The following LTBP1 variants were observed in gnomAD, a reference collection of about 807,000 sequenced individuals.
LTBP1 encodes the protein latent transforming growth factor beta binding protein 1.
Under a neutral mutation model 207.6 loss-of-function variants are expected in LTBP1, and 129 were observed. The ratio of observed to expected loss-of-function variants is 0.62; its 90% CI spans 0.54 to 0.72. The LOEUF (loss-of-function observed/expected upper bound fraction) is 0.72. Among genes scored for constraint, LTBP1 ranks in the 30% least tolerant of loss-of-function variants. LTBP1 has a pLI of 0.00. For missense variants in LTBP1, 2,281 were observed against 2,217.2 expected, an observed-to-expected ratio of 1.03 and a Z score of -0.58; for synonymous variants, 963 against 833.7, an observed-to-expected ratio of 1.16 and a Z score of -2.67.
At chr2:33,026,714 A>G (rs1558531354) in intron 3 of LTBP1, among the ~76,000 whole-genome samples, 1 of 152,230 alleles carries the variant, frequency 6.6e-6, no homozygotes, top group Non-Finnish European at 1.5e-5. Context: ...CACCTGGGGA[A>G]TGGGATGAGA....
At chr2:33,110,893 C>A (rs2080362886) in intron 4 of LTBP1, 142 bp downstream of exon 4, 2 of 749,768 alleles carry the variant, frequency 2.7e-6, no homozygotes, top group East Asian at 2.8e-5. Context: ...CCTGAAGCAA[C>A]CAGACAGCAG....
At chr2:33,032,743 A>G (rs1291446111) in intron 3 of LTBP1, among the ~76,000 whole-genome samples, 4 of 152,230 alleles carry the variant, frequency 2.6e-5, no homozygotes, top group Non-Finnish European at 4.4e-5. Context: ...ACTTATATTC[A>G]TTTAATTTAG....
chr2:33,395,255 T>C (rs1451564119), intron 32 of LTBP1, among the ~76,000 whole-genome samples: 3 of 152,210 alleles, frequency 2.0e-5, no homozygotes, highest in African/African-American at 7.2e-5. Flanking sequence ...GTCACAGGCA[T>C]GAGCAGAAGA....
intron 7 of LTBP1, among the ~76,000 whole-genome samples, chr2:33,207,512 A>G (rs2149218600): frequency 6.6e-6 from 1 of 152,362 alleles, no homozygotes; most frequent in Non-Finnish European, 1.5e-5. Context: ...CTTAAAAAAA[A>G]GAAAGAAAAA....
chr2:33,225,446 A>G (rs1027150664), intron 9 of LTBP1, among the ~76,000 whole-genome samples: 4 of 152,208 alleles, frequency 2.6e-5, no homozygotes, highest in African/African-American at 7.2e-5. Context: ...GAAGCCTCAC[A>G]ATCATGGTGG....
intron 2 of LTBP1, among the ~76,000 whole-genome samples, chr2:32,959,832 G>C (rs1398220231): frequency 6.6e-6 from 1 of 151,086 alleles, no homozygotes; most frequent in African/African-American, 2.4e-5. Context: ...CTTTGGCCAG[G>C]CTGGTCTTGA....
chr2:33,384,937 C>T (rs1258064830), intron 31 of LTBP1, among the ~76,000 whole-genome samples: 17 of 152,114 alleles, frequency 1.1e-4, no homozygotes, highest in Admixed American at 1.1e-3. Flanking sequence ...ATGACTTGCC[C>T]AAGTCCTGAT....
intron 5 of LTBP1, among the ~76,000 whole-genome samples, chr2:33,158,395 A>G (rs1482643334): frequency 6.6e-6 from 1 of 152,086 alleles, no homozygotes; most frequent in Non-Finnish European, 1.5e-5. Context: ...TCCCAGACAC[A>G]GAAGGCTACT....
chr2:33,240,593 G>A (rs2092276733), intron 9 of LTBP1, among the ~76,000 whole-genome samples: 1 of 146,960 alleles, frequency 6.8e-6, no homozygotes, highest in African/African-American at 2.5e-5. Context: ...GGGATAAGTT[G>A]TTTGTTGGCT....
intron 22 of LTBP1, among the ~76,000 whole-genome samples, chr2:33,303,779 A>G (rs955272481): frequency 6.6e-6 from 1 of 152,122 alleles, no homozygotes; most frequent in Non-Finnish European, 1.5e-5. Context: ...CTCAGGCGGT[A>G]ATGCTCGCTC....
intron 23 of LTBP1, among the ~76,000 whole-genome samples, chr2:33,311,761 A>C (rs1182797984): frequency 6.6e-6 from 1 of 152,146 alleles, no homozygotes; most frequent in Non-Finnish European, 1.5e-5. Flanking sequence ...CATTAATTGC[A>C]CTACTTCATT....
intron 3 of LTBP1, among the ~76,000 whole-genome samples, chr2:33,040,763 G>C (rs1401327647): frequency 1.3e-5 from 2 of 152,240 alleles, no homozygotes; most frequent in Non-Finnish European, 2.9e-5. Context: ...GCATAGAGCA[G>C]TTGGAACAGA....
intron 8 of LTBP1, among the ~76,000 whole-genome samples, chr2:33,220,786 C>T (rs903959437): frequency 1.3e-5 from 2 of 152,228 alleles, no homozygotes; most frequent in African/African-American, 4.8e-5. Flanking sequence ...TGGAGGGACT[C>T]CCACACGCCC....
chr2:33,347,275 G>A, intron 25 of LTBP1, 92 bp from the exon 26 acceptor site: 2 of 1,468,778 alleles, frequency 1.4e-6, no homozygotes, highest in Non-Finnish European at 1.9e-6. Flanking sequence ...CTTCTTTTCA[G>A]CAAGACACTA....
rs545248487 is a variant in LTBP1 at position 33,243,694 on chromosome 2, C to G, written c.1909C>G (p.Pro637Ala). The G allele has an allele frequency of 1.2e-6, 2 of 1,613,876 alleles. No individual in the cohort carries two copies. The highest frequency in any genetic ancestry group is 2.2e-5 in the East Asian group (1 of 44,870). Residue 637 changes from proline (P) to alanine (A), a missense_variant, in exon 10 of 34, where the codon CCT becomes GCT. Physicochemically the swap from Pro to Ala is conservative, Grantham distance 27 (BLOSUM62 -1). Coordinates refer to ENST00000404816, the MANE Select transcript of LTBP1 (RefSeq NM_206943.4). Reference protein sequence around the residue: ...INECQLQGVCPNGECLNTMGS... With the variant: ...INECQLQGVCANGECLNTMGS... ...TGAATGTCAGCTACAAGGTGTATGC[C>G]CTAATGGTGAGTGTTTGAATACCAT...
intron 5 of LTBP1, among the ~76,000 whole-genome samples, chr2:33,181,475 A>G (rs530034082): frequency 6.6e-6 from 1 of 152,184 alleles, no homozygotes; most frequent in African/African-American, 2.4e-5. Context: ...TCCAGCATGG[A>G]TCCTTTTGCT....
chr2:32,953,865 G>A (rs1014981829), intron 2 of LTBP1, among the ~76,000 whole-genome samples: 1 of 152,286 alleles, frequency 6.6e-6, no homozygotes, highest in African/African-American at 2.4e-5. Flanking sequence ...TGCAGATTTT[G>A]CTTCCCAGTC....
chr2:33,106,371 C>T lies in LTBP1; in HGVS notation c.864-4211C>T, dbSNP rs143058692. ...ATGGCAAATCCTTTCCAGATGTTTT[C>T]CAATTTACTTTGCCCAGATCCATCA... is the stretch of plus-strand genomic sequence containing the variant. On this transcript the variant is annotated intron_variant, in intron 3 of 33. Transcript: ENST00000404816. Among the ~76,000 whole-genome samples the T allele has an allele frequency of 8.0e-3, 1,211 of 152,290 alleles. 11 individuals carry two copies. Among genetic ancestry groups the T allele is most frequent in the Middle Eastern group, 0.01 (3 of 294 alleles).
At chr2:32,973,713 C>G (rs529767988) in intron 2 of LTBP1, among the ~76,000 whole-genome samples, 109 of 152,208 alleles carry the variant, frequency 7.2e-4, no homozygotes, top group African/African-American at 1.9e-3. Flanking sequence ...TTTTGTACCC[C>G]TGAACCATCC....
Sources: gnomAD v4.1 joint callset for allele counts (sites outside exome capture counted in the v4.1 genomes callset) on GRCh38, gnomAD v4.1.1 for gene constraint, MANE v1.5 for transcripts, NCBI Gene and HGNC (gene_info 2026-07-23, HGNC 2026-07-21) for gene names.